The following CUX1 variants were observed in gnomAD, a reference collection of about 807,000 sequenced individuals.
The protein encoded by CUX1 is protein CASP.
Under a neutral mutation model 158.8 loss-of-function variants are expected in CUX1, and 31 were observed. The ratio of observed to expected loss-of-function variants is 0.20; its 90% CI spans 0.15 to 0.26. The LOEUF (loss-of-function observed/expected upper bound fraction) is 0.26, where lower values mean the gene tolerates loss of function less well. CUX1 is among the 10% of genes least tolerant of loss of function. The pLI is 1.00. For synonymous variants in CUX1, 879 were observed against 862.1 expected (o/e 1.02, Z -0.34); for missense variants, 1,589 against 2,014.6 (o/e 0.79, Z 4.04).
intron 2 of CUX1, among the ~76,000 whole-genome samples, chr7:101,926,430 T>A (rs1455363424): frequency 6.6e-6 from 1 of 151,994 alleles, no homozygotes; most frequent in Non-Finnish European, 1.5e-5. Flanking sequence ...TCCCCCTACA[T>A]CCCAGCAAGA....
chr7:102,028,254 C>G (rs1820279923), intron 3 of CUX1, 109 bp downstream of exon 3: 2 of 1,159,726 alleles, frequency 1.7e-6, no homozygotes, highest in Non-Finnish European at 2.5e-6. Flanking sequence ...CAGATGGTGC[C>G]TTCCCGGCTG....
chr7:102,218,586 G>T (rs557021937), intron 20 of CUX1, among the ~76,000 whole-genome samples: 1 of 152,188 alleles, frequency 6.6e-6, no homozygotes, highest in East Asian at 1.9e-4. Flanking sequence ...TGCTCAGGAG[G>T]CTGGGGCAGA....
Position 102,227,549 on chromosome 7 carries a change from C to G in CUX1, c.3313C>G (p.Pro1105Ala). 6.2e-7 allele frequency: 1 copy of G among 1,614,200 alleles called. No homozygotes were observed. The highest frequency in any genetic ancestry group is 1.1e-5 in the South Asian group (1 of 91,086). ...AGCATCCGACTCCCAGCCCACAACCCCGCTGCCTCTCTCCGGACACTCGGC... is the reference window on the plus strand; with the variant it reads ...AGCATCCGACTCCCAGCCCACAACCGCGCTGCCTCTCTCCGGACACTCGGC... The part of the protein sequence containing the change: ...PPASDSQPTT[P>A]LPLSGHSALS... The change falls in exon 21 of 24, where the codon CCG (proline) becomes GCG (alanine). Residue 1105 changes from proline to alanine, a missense_variant. Coordinates refer to ENST00000292535, the MANE Select transcript of CUX1 (RefSeq NM_181552.4).
At chr7:102,219,907 T>G (rs1797640200) in intron 20 of CUX1, among the ~76,000 whole-genome samples, 1 of 152,244 alleles carries the variant, frequency 6.6e-6, no homozygotes, top group South Asian at 2.1e-4. Context: ...GCTGTGAGCT[T>G]CTGCTGCTGG....
chr7:102,104,642 A>C (rs1182373516), intron 6 of CUX1, among the ~76,000 whole-genome samples, 183 bp downstream of exon 6: 2 of 152,188 alleles, frequency 1.3e-5, no homozygotes, highest in Non-Finnish European at 2.9e-5. Context: ...CTGTAATCTC[A>C]GCACTTTGGG....
chr7:101,950,170 C>G (rs753485019), intron 2 of CUX1, among the ~76,000 whole-genome samples: 1 of 152,094 alleles, frequency 6.6e-6, no homozygotes, highest in Non-Finnish European at 1.5e-5. Flanking sequence ...CCACCACACC[C>G]GGCTAATTTT....
At chr7:102,199,907 G>T (rs1795229614) in intron 16 of CUX1, among the ~76,000 whole-genome samples, 164 bp from the exon 17 acceptor site, 1 of 152,232 alleles carries the variant, frequency 6.6e-6, no homozygotes, top group South Asian at 2.1e-4. Flanking sequence ...CGGTGTCGCT[G>T]TGAAGTTGCA....
At chr7:102,204,215 G>A (rs1318316782) in intron 18 of CUX1, among the ~76,000 whole-genome samples, 176 bp from the exon 19 acceptor site, 2 of 152,212 alleles carry the variant, frequency 1.3e-5, no homozygotes, top group Admixed American at 1.3e-4. Context: ...AGCCACCGTT[G>A]ATCTTTAAAT....
chr7:102,273,011 C>A (rs1271373796), intron 14 of CUX1, among the ~76,000 whole-genome samples: 1 of 152,188 alleles, frequency 6.6e-6, no homozygotes, highest in African/African-American at 2.4e-5. Context: ...CAAAGTGAGG[C>A]CCAGAGAGGG....
At chr7:102,210,786 G>C (rs1217486670) in intron 20 of CUX1, among the ~76,000 whole-genome samples, 4 of 152,170 alleles carry the variant, frequency 2.6e-5, no homozygotes, top group African/African-American at 4.8e-5. Flanking sequence ...CTCTAATGTG[G>C]GTGGTCCAAT....
chr7:102,201,558 T>C lies in CUX1; in HGVS notation c.2261T>C (p.Val754Ala), dbSNP rs1339830792. The C allele has an allele frequency of 6.2e-7, 1 of 1,614,002 alleles. No individual in the cohort carries two copies. Among genetic ancestry groups the C allele is most frequent in the Non-Finnish European group, 8.5e-7 (1 of 1,180,018 alleles). The change falls in exon 18 of 24, where the codon GTG becomes GCG. Residue 754 changes from valine to alanine, a missense_variant. Transcript: ENST00000292535. This position sits in a 1 kb window ranked among gnomAD's most constrained non-coding sequence, Gnocchi z 5.0. ...CTGTCCACCTCGCCCATGCCCACCGTGTCCAGCTACCCACCTCTCGCCATC... is the reference window on the plus strand; with the variant it reads ...CTGTCCACCTCGCCCATGCCCACCGCGTCCAGCTACCCACCTCTCGCCATC... ...KLLSTSPMPT[V>A]SSYPPLAISL...
intron 1 of CUX1, among the ~76,000 whole-genome samples, chr7:101,901,771 C>T (rs1380235293): frequency 2.0e-5 from 3 of 152,200 alleles, no homozygotes; most frequent in Non-Finnish European, 2.9e-5. Context: ...TGAGAAACCC[C>T]AACAGGGAGT....
At chr7:102,179,499 C>G (rs3810769) in intron 11 of CUX1, among the ~76,000 whole-genome samples, 15,985 of 152,250 alleles carry the variant, frequency 0.1, 1,073 homozygotes, top group Admixed American at 0.16. Flanking sequence ...GGGACATTCT[C>G]TTGTCCAAGC....
rs1050958985 is a variant in CUX1, at chr7:101,928,786, T to C, written c.141+12561T>C. 2.5e-4 allele frequency among the ~76,000 whole-genome samples: 37 copies of C among 150,904 alleles called. 1 individual carries two copies. Among genetic ancestry groups the C allele is most frequent in the African/African-American group, 8.5e-4 (35 of 41,098 alleles). On this transcript the variant is annotated intron_variant, in intron 2 of 23. Coordinates refer to ENST00000292535, the MANE Select transcript of CUX1 (RefSeq NM_181552.4). ...CCCGGGTTCATGCCATTCTCCTGCCTCAGCCTCCCAAGTAGCTGGGACTAC... is the reference window on the plus strand; with the variant it reads ...CCCGGGTTCATGCCATTCTCCTGCCCCAGCCTCCCAAGTAGCTGGGACTAC...
chr7:101,857,995 C>T (rs1486837434), intron 1 of CUX1, among the ~76,000 whole-genome samples: 1 of 152,128 alleles, frequency 6.6e-6, no homozygotes. Context: ...TGGTGGCACG[C>T]ACCTGTACTC....
downstream of CUX1, among the ~76,000 whole-genome samples, chr7:102,258,959 G>T (rs1353960069): frequency 2.0e-5 from 3 of 152,226 alleles, no homozygotes; most frequent in Non-Finnish European, 4.4e-5. Context: ...CCGCGCAGTT[G>T]TGACTCAGAG....
chr7:102,008,614 A>G (rs1817651858), intron 2 of CUX1, among the ~76,000 whole-genome samples: 1 of 151,936 alleles, frequency 6.6e-6, no homozygotes, highest in Admixed American at 6.6e-5. Flanking sequence ...TCAGCCCCCA[A>G]CCAAAAGAGC....
chr7:102,236,327 G>A (rs1554532813), intron 22 of CUX1, among the ~76,000 whole-genome samples: 1 of 152,038 alleles, frequency 6.6e-6, no homozygotes, highest in African/African-American at 2.4e-5. Flanking sequence ...CCTTGGGCCT[G>A]TAGTCTAAGG....
At position 102,067,501 on chromosome 7, in the gene CUX1, GC is replaced by G. The variant is rs531600899; in HGVS notation, c.190-2837del. Among the ~76,000 whole-genome samples, 484 of 150,734 alleles carry G rather than the reference GC, an allele frequency of 3.2e-3. 4 individuals are homozygous for G. Among genetic ancestry groups the G allele is most frequent in the Non-Finnish European group, 3.9e-3 (266 of 67,798 alleles). On this transcript the variant is annotated intron_variant, in intron 3 of 23. Transcript: ENST00000292535. The stretch of plus-strand genomic sequence containing the variant: ...TCTGCCCACCTCGGCCTCCCAAAGT[GC>G]TGGGATTACAGGTGTGAGCCACCGC...
Sources: gnomAD v4.1 joint callset for allele counts (sites outside exome capture counted in the v4.1 genomes callset) on GRCh38, gnomAD v4.1.1 for gene constraint, Gnocchi (gnomAD v3.1) non-coding constraint, MANE v1.5 for transcripts, NCBI Gene and HGNC (gene_info 2026-07-23, HGNC 2026-07-21) for gene names.